The following LRP1B variants were observed in gnomAD, a reference collection of about 807,000 sequenced individuals.
The protein encoded by LRP1B is LDL receptor related protein 1B, also known as low-density lipoprotein receptor-related protein 1B.
LRP1B carries 217 observed loss-of-function variants against 556.6 expected under a neutral mutation model. The ratio of observed to expected loss-of-function variants is 0.39; its 90% CI spans 0.35 to 0.44. The LOEUF (loss-of-function observed/expected upper bound fraction) is 0.44, where lower values mean the gene tolerates loss of function less well. Ranked by LOEUF, LRP1B falls within the 20% of genes least tolerant of loss-of-function variation. LRP1B has a pLI of 1.00. For synonymous variants in LRP1B, 2,047 were observed against 1,865.8 expected (o/e 1.10, Z -2.50); for missense variants, 5,053 against 5,620.8 (o/e 0.90, Z 3.23).
At position 141,204,949 on chromosome 2, in the gene LRP1B, A is replaced by AG. The variant is rs1682207652; in HGVS notation, c.851-16367dup. Among the ~76,000 whole-genome samples the AG allele has an allele frequency of 2.0e-5, 3 of 151,926 alleles. No homozygotes were observed. The South Asian group carries it at 6.2e-4, about 32-fold the overall frequency. On this transcript the variant is annotated intron_variant, in intron 6 of 90. Transcript: ENST00000389484. ...AAGACTCTGTCTCAGATAAAAAAAA[A>AG]GGAAAAAGAAAAAAAGAATTTTAGA... is the stretch of plus-strand genomic sequence containing the variant.
intron 2 of LRP1B, among the ~76,000 whole-genome samples, chr2:141,606,416 T>G (rs1687919646): frequency 6.6e-6 from 1 of 152,218 alleles, no homozygotes; most frequent in South Asian, 2.1e-4. Flanking sequence ...TTTAAAAGTT[T>G]CATGTCAACT....
chr2:141,640,321 A>C (rs1689284186), intron 2 of LRP1B, among the ~76,000 whole-genome samples: 1 of 152,204 alleles, frequency 6.6e-6, no homozygotes, highest in Non-Finnish European at 1.5e-5. Context: ...TTCTCATTTG[A>C]CAAAAAAAGA....
At chr2:141,614,510 T>A (rs1395305206) in intron 2 of LRP1B, among the ~76,000 whole-genome samples, 1 of 152,172 alleles carries the variant, frequency 6.6e-6, no homozygotes, top group Non-Finnish European at 1.5e-5. Context: ...GTAATCAAGT[T>A]AAGAATGAGG....
intron 3 of LRP1B, among the ~76,000 whole-genome samples, chr2:141,438,726 A>T (rs902668562): frequency 1.3e-5 from 2 of 152,198 alleles, no homozygotes; most frequent in African/African-American, 4.8e-5. Flanking sequence ...ATGATGAATC[A>T]GTAGTGCCCA....
At chr2:141,483,537 C>T (rs1185466085) in intron 2 of LRP1B, among the ~76,000 whole-genome samples, 1 of 88,924 alleles carries the variant, frequency 1.1e-5, no homozygotes, top group Admixed American at 1.3e-4. Context: ...GGAATCACCA[C>T]ACTGACTTCC....
At chr2:141,411,829 G>A (rs558031072) in intron 3 of LRP1B, among the ~76,000 whole-genome samples, 1 of 152,116 alleles carries the variant, frequency 6.6e-6, no homozygotes, top group Admixed American at 6.5e-5. Flanking sequence ...ACAAGCTGAG[G>A]AAAACAGTGC....
At chr2:142,068,165 C>A (rs998492960) in intron 1 of LRP1B, among the ~76,000 whole-genome samples, 1 of 151,460 alleles carries the variant, frequency 6.6e-6, no homozygotes, top group Non-Finnish European at 1.5e-5. Context: ...AAAATTTGGT[C>A]CCCATGTAAG....
At chr2:140,620,261 A>T (rs1435999628) in intron 41 of LRP1B, among the ~76,000 whole-genome samples, 3 of 152,188 alleles carry the variant, frequency 2.0e-5, no homozygotes, top group African/African-American at 7.2e-5. Flanking sequence ...CAAAAATGAC[A>T]GTTATCGAGT....
rs528569252 is a variant in LRP1B at position 141,504,976 on chromosome 2, G to A, written c.206-24443C>T. The stretch of plus-strand genomic sequence containing the variant: ...AAGATAGGACATTTCCATCCTCACA[G>A]AAAGTTTTACTGGACAGTGTTACAT... On this transcript the variant is annotated intron_variant, in intron 2 of 90. Coordinates refer to ENST00000389484, the MANE Select transcript of LRP1B (RefSeq NM_018557.3). Among the ~76,000 whole-genome samples the A allele has an allele frequency of 2.0e-5, 3 of 152,140 alleles. No individual in the cohort carries two copies. In the East Asian group the frequency reaches 5.8e-4, roughly 29 times the overall value.
At chr2:141,303,973 C>T (rs1170252566) in intron 3 of LRP1B, among the ~76,000 whole-genome samples, 1 of 152,056 alleles carries the variant, frequency 6.6e-6, no homozygotes, top group Non-Finnish European at 1.5e-5. Context: ...GGAAAGATGA[C>T]ATCTCATTGT....
intron 3 of LRP1B, among the ~76,000 whole-genome samples, chr2:141,376,373 CG>C (rs1371187126): frequency 6.6e-6 from 1 of 152,218 alleles, no homozygotes; most frequent in Non-Finnish European, 1.5e-5. Flanking sequence ...CCAGGAGGAT[CG>C]CCTGACTGTC....
At chr2:141,861,274 C>T (rs941148871) in intron 1 of LRP1B, among the ~76,000 whole-genome samples, 1 of 152,118 alleles carries the variant, frequency 6.6e-6, no homozygotes, top group Non-Finnish European at 1.5e-5. Flanking sequence ...CATTACTCTC[C>T]CCCTTGAGGA....
At chr2:140,772,686 A>C (rs1188437257) in intron 33 of LRP1B, among the ~76,000 whole-genome samples, 2 of 152,268 alleles carry the variant, frequency 1.3e-5, no homozygotes, top group Non-Finnish European at 2.9e-5. Context: ...TGTAATGCCA[A>C]TCTTTTAGAG....
rs141655851 is a variant in LRP1B at position 140,325,777 on chromosome 2, C to T, written c.12325G>A (p.Val4109Ile). ...LYDGSNSVVS[V>I]SSKQGLLHPH... The stretch of plus-strand genomic sequence containing the variant: ...CTTCACAAACCTTGTTTGCTGCTGA[C>T]AGAGACTACTGAATTAGAGCCATCA... Residue 4109 changes from valine (V) to isoleucine (I), a missense_variant, in exon 80 of 91, where the codon GTC (valine) becomes ATC (isoleucine). Physicochemically the swap from Val to Ile is conservative, Grantham distance 29. Around this residue, in one of 5 missense-constraint regions of LRP1B, gnomAD observed 551 missense variants for 592.0 expected, o/e 0.93. Transcript: ENST00000389484. 1.7e-3 allele frequency: 2,745 copies of T among 1,610,852 alleles called. 3 individuals carry two copies. Among genetic ancestry groups the T allele is most frequent in the Non-Finnish European group, 2.2e-3 (2,582 of 1,178,196 alleles).
At chr2:141,941,850 C>G (rs557821989) in intron 1 of LRP1B, among the ~76,000 whole-genome samples, 2 of 152,146 alleles carry the variant, frequency 1.3e-5, no homozygotes, top group African/African-American at 4.8e-5. Context: ...GAAAAAGTTA[C>G]GTGCATCTAT....
At chr2:141,866,350 C>T (rs1330763605) in intron 1 of LRP1B, among the ~76,000 whole-genome samples, 1 of 152,042 alleles carries the variant, frequency 6.6e-6, no homozygotes, top group African/African-American at 2.4e-5. Flanking sequence ...GTCATAACCA[C>T]AAAAATGTTG....
At chr2:140,599,887 C>A (rs910208889) in intron 42 of LRP1B, among the ~76,000 whole-genome samples, 9 of 151,918 alleles carry the variant, frequency 5.9e-5, no homozygotes, top group African/African-American at 2.2e-4. Context: ...ACTTAGAGAA[C>A]CTAACTTTGA....
intron 1 of LRP1B, among the ~76,000 whole-genome samples, chr2:141,864,674 G>A (rs1698349548): frequency 6.6e-6 from 1 of 152,002 alleles, no homozygotes; most frequent in Non-Finnish European, 1.5e-5. Flanking sequence ...GAGGTCAGGA[G>A]ATCAAGACCA....
At chr2:141,179,637 C>A (rs2105167859) in intron 7 of LRP1B, among the ~76,000 whole-genome samples, 1 of 152,036 alleles carries the variant, frequency 6.6e-6, no homozygotes, top group African/African-American at 2.4e-5. Flanking sequence ...ATACCTTCAA[C>A]ATTTGCCTTT....
Sources: gnomAD v4.1 joint callset for allele counts (sites outside exome capture counted in the v4.1 genomes callset) on GRCh38, gnomAD v4.1.1 for gene constraint, gnomAD v4.1.1 regional missense constraint, MANE v1.5 for transcripts, NCBI Gene and HGNC (gene_info 2026-07-23, HGNC 2026-07-21) for gene names.